ITPK1: variants seen among roughly 807,000 people sequenced by gnomAD.
The protein encoded by ITPK1 is inositol-tetrakisphosphate 1-kinase.
In ITPK1, 21 loss-of-function variants were observed where a neutral mutation model predicts 45.3. That is an observed-to-expected ratio of 0.46 (90% CI 0.33 to 0.67). ITPK1 has a LOEUF of 0.67. Ranked by LOEUF, ITPK1 falls within the 30% of genes least tolerant of loss-of-function variation. ITPK1 has a pLI of 0.02. For synonymous variants in ITPK1, 258 were observed against 253.6 expected (o/e 1.02, Z -0.16); for missense variants, 474 against 573.5 (o/e 0.83, Z 1.77).
intron 5 of ITPK1, among the ~76,000 whole-genome samples, chr14:92,966,626 G>A (rs1208617529): frequency 6.6e-6 from 1 of 152,070 alleles, no homozygotes. Flanking sequence ...AAGAGACTCA[G>A]GACCACTAAA....
intron 5 of ITPK1, among the ~76,000 whole-genome samples, chr14:92,964,662 C>T (rs1885255397): frequency 6.6e-6 from 1 of 152,226 alleles, no homozygotes; most frequent in South Asian, 2.1e-4. Flanking sequence ...CTGGGCTCCA[C>T]CCTTGGCCCC....
rs1296777593 is a variant in ITPK1, at chr14:92,958,948, C to T, written c.505-582G>A. Among the ~76,000 whole-genome samples the T allele has an allele frequency of 1.3e-5, 2 of 152,200 alleles. No homozygotes were observed. The highest frequency in any genetic ancestry group is 6.5e-5 in the Admixed American group (1 of 15,274). On this transcript the variant is annotated intron_variant, in intron 7 of 10. Coordinates refer to ENST00000267615, the MANE Select transcript of ITPK1 (RefSeq NM_014216.6). The surrounding 1 kb of genome is among the most constrained non-coding windows in gnomAD (Gnocchi z 4.4). Reference sequence around the variant, plus strand: ...CCTTTCACAGATGAGGACGATGAGGCGCTGAGAGGTTCAGTGACTGCTGGA... The same window carrying T: ...CCTTTCACAGATGAGGACGATGAGGTGCTGAGAGGTTCAGTGACTGCTGGA...
intron 5 of ITPK1, among the ~76,000 whole-genome samples, chr14:92,967,980 T>C (rs1440490848): frequency 6.6e-6 from 1 of 152,226 alleles, no homozygotes; most frequent in Admixed American, 6.5e-5. Context: ...TTAGTAGTGA[T>C]GACCGCACAA....
At chr14:93,056,715 G>A (rs753728) in intron 3 of ITPK1, among the ~76,000 whole-genome samples, 17,449 of 151,894 alleles carry the variant, frequency 0.11, 1,098 homozygotes, top group South Asian at 0.25. Context: ...AGAGCCTGGT[G>A]TTGCCATGGC....
chr14:93,000,218 A>C (rs1476548687), intron 4 of ITPK1, among the ~76,000 whole-genome samples: 5 of 152,204 alleles, frequency 3.3e-5, no homozygotes, highest in Non-Finnish European at 7.3e-5. Flanking sequence ...TACGTGTATA[A>C]ATTTTTGTGT....
At chr14:92,942,123 G>C (rs959309157) in intron 10 of ITPK1, among the ~76,000 whole-genome samples, 2 of 152,220 alleles carry the variant, frequency 1.3e-5, no homozygotes, top group African/African-American at 4.8e-5. Context: ...TCGACCTTCA[G>C]CTGTTGCCAG....
intron 3 of ITPK1, among the ~76,000 whole-genome samples, chr14:93,018,207 C>T (rs1236334203): frequency 6.6e-6 from 1 of 152,182 alleles, no homozygotes; most frequent in South Asian, 2.1e-4. Flanking sequence ...ACGCCCCCAC[C>T]CCCTGCCATA....
chr14:93,021,586 C>A (rs1219177980), intron 3 of ITPK1, among the ~76,000 whole-genome samples: 2 of 137,054 alleles, frequency 1.5e-5, no homozygotes, highest in Non-Finnish European at 1.5e-5. Context: ...GAATGAGACC[C>A]TGTCTCAAAA....
At position 92,941,750 on chromosome 14, in the gene ITPK1, C is replaced by T; in HGVS notation, c.1056G>A (p.Glu352=). ...AGCCGGGGCTGGCGCTGCATGTCCG[C>T]TCGCCCACCAGGCCGCCCGCCGGCT... ...LAEPAGGLVG[E]RTCSASPGCC... is the part of the protein sequence containing the mutation. Residue 352 remains glutamate (E), a synonymous_variant, in exon 11 of 11, where the codon GAG becomes GAA. Transcript: ENST00000267615. 4 of 1,600,866 alleles carry T rather than the reference C, an allele frequency of 2.5e-6. No homozygotes were observed. Among genetic ancestry groups the T allele is most frequent in the South Asian group, 1.1e-5 (1 of 89,580 alleles).
intron 2 of ITPK1, among the ~76,000 whole-genome samples, chr14:93,097,126 A>AG (rs1892109811): frequency 1.3e-5 from 2 of 152,324 alleles, no homozygotes; most frequent in South Asian, 4.1e-4. Context: ...AATTTGGGAA[A>AG]GGTCTATGGG....
rs374290265 is a variant in ITPK1 at position 92,994,432 on chromosome 14, A to G, written c.247-435T>C. Among the ~76,000 whole-genome samples the G allele has an allele frequency of 1.8e-4, 28 of 152,190 alleles. 1 individual carries two copies. In the East Asian group the frequency reaches 1.9e-3, roughly 11 times the overall value. Reference sequence around the variant, plus strand: ...AAGGTGTGGTGGAGAGAAACACGCCACAGGGTGGGCACCAGCCACCCAACA... The same window carrying G: ...AAGGTGTGGTGGAGAGAAACACGCCGCAGGGTGGGCACCAGCCACCCAACA... On this transcript the variant is annotated intron_variant, in intron 4 of 10. Transcript: ENST00000267615.
intron 8 of ITPK1, among the ~76,000 whole-genome samples, chr14:92,957,116 G>A (rs959428694): frequency 6.6e-6 from 1 of 152,258 alleles, no homozygotes; most frequent in African/African-American, 2.4e-5. Context: ...TCCATGCCGG[G>A]CGGCACACCA....
intron 2 of ITPK1, among the ~76,000 whole-genome samples, chr14:93,080,152 G>T (rs1038131261): frequency 1.3e-5 from 2 of 152,220 alleles, no homozygotes; most frequent in Admixed American, 1.3e-4. Context: ...GCAAAACCCT[G>T]TGTGCTGTAG....
At chr14:92,991,454 G>C (rs1004923446) in intron 5 of ITPK1, among the ~76,000 whole-genome samples, 1 of 152,098 alleles carries the variant, frequency 6.6e-6, no homozygotes, top group Non-Finnish European at 1.5e-5. Flanking sequence ...CCAAGCATGC[G>C]TTAGGGTTTG....
chr14:92,980,945 T>A (rs1044281227), intron 5 of ITPK1, among the ~76,000 whole-genome samples: 2 of 152,186 alleles, frequency 1.3e-5, no homozygotes, highest in Non-Finnish European at 2.9e-5. Context: ...TGACCTCAGG[T>A]GATCCACCCA....
At chr14:93,095,141 C>T (rs1030022920) in intron 2 of ITPK1, among the ~76,000 whole-genome samples, 13 of 152,172 alleles carry the variant, frequency 8.5e-5, no homozygotes, top group South Asian at 6.2e-4. Flanking sequence ...CTCGGTGCTC[C>T]AGCACCCCGC....
intron 9 of ITPK1, among the ~76,000 whole-genome samples, chr14:92,951,098 G>A (rs1164813374): frequency 6.6e-6 from 1 of 152,256 alleles, no homozygotes; most frequent in Non-Finnish European, 1.5e-5. Context: ...GCCCAGGACA[G>A]GGAGGAAGAG....
At chr14:93,008,483 A>T (rs752387323) in intron 4 of ITPK1, among the ~76,000 whole-genome samples, 4 of 152,248 alleles carry the variant, frequency 2.6e-5, no homozygotes, top group African/African-American at 4.8e-5. Context: ...GTGGAGAGAC[A>T]AACGGGTAGG....
intron 3 of ITPK1, among the ~76,000 whole-genome samples, chr14:93,025,556 T>C (rs148067805): frequency 0.018 from 2,805 of 152,332 alleles, 73 homozygotes; most frequent in Admixed American, 0.081. Flanking sequence ...TTCCTCCGGA[T>C]GAGCACTCCA....
Sources: allele counts gnomAD v4.1 joint callset (sites outside exome capture counted in the v4.1 genomes callset), GRCh38; gene constraint gnomAD v4.1.1; non-coding constraint Gnocchi (gnomAD v3.1); transcripts MANE v1.5; gene names NCBI Gene and HGNC (gene_info 2026-07-23, HGNC 2026-07-21).